RUNDC3B: variants seen among roughly 807,000 people sequenced by gnomAD.
RUNDC3B encodes the protein RUN domain-containing protein 3B.
In RUNDC3B, 33 loss-of-function variants were observed where a neutral mutation model predicts 58.4. The ratio of observed to expected loss-of-function variants is 0.56; its 90% CI spans 0.43 to 0.75. The LOEUF is 0.75. Ranked by LOEUF, RUNDC3B falls within the 30% of genes least tolerant of loss-of-function variation. The probability of loss-of-function intolerance (pLI) is 0.00; values close to 1 mark genes in which losing one functional copy is unlikely to be tolerated. For synonymous variants in RUNDC3B, 193 were observed against 195.2 expected (o/e 0.99, Z 0.10); for missense variants, 501 against 535.7 (o/e 0.94, Z 0.64).
At chr7:87,741,419 G>A in intron 5 of RUNDC3B, 80 bp from the exon 6 acceptor site, 1 of 809,350 alleles carries the variant, frequency 1.2e-6, no homozygotes, top group African/African-American at 1.8e-5. Flanking sequence ...AACGTCTCTG[G>A]CAAGAGATTT....
chr7:87,699,517 C>T (rs1828819662), intron 2 of RUNDC3B, among the ~76,000 whole-genome samples: 1 of 152,160 alleles, frequency 6.6e-6, no homozygotes, highest in South Asian at 2.1e-4. Context: ...GATCCTCCTG[C>T]CTCAGCCTCT....
At chr7:87,675,466 T>A (rs539284573) in intron 2 of RUNDC3B, among the ~76,000 whole-genome samples, 77 of 152,044 alleles carry the variant, frequency 5.1e-4, no homozygotes, top group African/African-American at 1.8e-3. Flanking sequence ...TACAATGCTA[T>A]AGTAATTGAA....
intron 4 of RUNDC3B, chr7:87,713,270 A>C (rs3747802): frequency 6.6e-6 from 1 of 152,098 alleles, no homozygotes; most frequent in African/African-American, 2.4e-5. Context: ...TTCATGTTCT[A>C]CTCTTCACAG....
chr7:87,809,030 A>G (rs1836575382), intron 9 of RUNDC3B, among the ~76,000 whole-genome samples: 1 of 152,160 alleles, frequency 6.6e-6, no homozygotes, highest in South Asian at 2.1e-4. Flanking sequence ...ACACTTCCCA[A>G]TCTACAGAGT....
chr7:87,814,088 A>ATTC (rs1836887843), intron 9 of RUNDC3B, among the ~76,000 whole-genome samples: 1 of 147,580 alleles, frequency 6.8e-6, no homozygotes, highest in Non-Finnish European at 1.5e-5. Flanking sequence ...TTGGAGAATG[A>ATTC]TTTCTTTCTT....
chr7:87,818,571 G>C (rs1468235613), intron 10 of RUNDC3B, among the ~76,000 whole-genome samples: 1 of 152,066 alleles, frequency 6.6e-6, no homozygotes, highest in African/African-American at 2.4e-5. Flanking sequence ...TATAATAAGA[G>C]AACAAATAAA....
At chr7:87,712,602 G>A (rs1210710451) in intron 4 of RUNDC3B, among the ~76,000 whole-genome samples, 8 of 152,084 alleles carry the variant, frequency 5.3e-5, no homozygotes, top group Admixed American at 1.3e-4. Context: ...ATTGGGTGGG[G>A]TAGAAATAAT....
intron 6 of RUNDC3B, among the ~76,000 whole-genome samples, chr7:87,750,844 A>C (rs1342363314): frequency 2.7e-5 from 4 of 150,798 alleles, no homozygotes; most frequent in Non-Finnish European, 4.4e-5. Context: ...GTTCACTCTG[A>C]TGGTAGTTTC....
chr7:87,800,572 G>A (rs1326335718), intron 8 of RUNDC3B, among the ~76,000 whole-genome samples: 1 of 151,532 alleles, frequency 6.6e-6, no homozygotes, highest in East Asian at 1.9e-4. Context: ...CCACCATGCA[G>A]TTTTCCATAA....
intron 3 of RUNDC3B, among the ~76,000 whole-genome samples, chr7:87,701,681 C>T (rs1286948747): frequency 6.6e-6 from 1 of 152,124 alleles, no homozygotes; most frequent in African/African-American, 2.4e-5. Flanking sequence ...AAAATATCTA[C>T]ACTTATCTGA....
At chr7:87,698,429 A>C (rs1233887319) in intron 2 of RUNDC3B, among the ~76,000 whole-genome samples, 1 of 152,176 alleles carries the variant, frequency 6.6e-6, no homozygotes. Flanking sequence ...TGAATTATAT[A>C]GTTATTAGAA....
intron 6 of RUNDC3B, among the ~76,000 whole-genome samples, chr7:87,749,021 C>T (rs1376433520): frequency 5.9e-5 from 9 of 152,000 alleles, no homozygotes; most frequent in Non-Finnish European, 1.2e-4. Context: ...AACTGAAATG[C>T]GGAGAGGTTA....
chr7:87,816,649 TC>T (rs1837059330), intron 10 of RUNDC3B, among the ~76,000 whole-genome samples: 1 of 152,222 alleles, frequency 6.6e-6, no homozygotes, highest in Non-Finnish European at 1.5e-5. Context: ...GACCACTTCC[TC>T]ATTCTTGAAT....
In RUNDC3B at chr7:87,771,295, T is replaced by C. The variant is rs191229336; in HGVS notation, c.798+546T>C. Among the ~76,000 whole-genome samples the C allele has an allele frequency of 5.0e-3, 754 of 152,072 alleles. 7 individuals are homozygous for C. The highest frequency in any genetic ancestry group is 0.017 in the African/African-American group (722 of 41,544). ...ATATATAAGGAAAGCCCAATGGAATTAGTGATAGAAATATTCAAAAAATTA... is the reference window on the plus strand; with the variant it reads ...ATATATAAGGAAAGCCCAATGGAATCAGTGATAGAAATATTCAAAAAATTA... On this transcript the variant is annotated intron_variant, in intron 7 of 10. Transcript: ENST00000394654.
chr7:87,645,249 A>T (rs377026812), intron 1 of RUNDC3B, among the ~76,000 whole-genome samples: 2 of 151,848 alleles, frequency 1.3e-5, no homozygotes, highest in Non-Finnish European at 2.9e-5. Context: ...CAACCAGCTA[A>T]TTTTTTGTAT....
intron 10 of RUNDC3B, among the ~76,000 whole-genome samples, chr7:87,824,147 A>G (rs1837660619): frequency 6.6e-6 from 1 of 152,234 alleles, no homozygotes; most frequent in Admixed American, 6.5e-5. Context: ...TTTATTAAAT[A>G]TCCTCCAACA....
At chr7:87,823,366 A>G (rs1308013477) in intron 10 of RUNDC3B, among the ~76,000 whole-genome samples, 3 of 149,638 alleles carry the variant, frequency 2.0e-5, no homozygotes, top group Non-Finnish European at 4.5e-5. Flanking sequence ...ATGCAAAACT[A>G]TTTTTTTTCT....
chr7:87,715,457 A>T (rs1563158263), intron 4 of RUNDC3B, among the ~76,000 whole-genome samples: 5 of 117,974 alleles, frequency 4.2e-5, no homozygotes, highest in Non-Finnish European at 5.6e-5. Flanking sequence ...ATATAATTAT[A>T]TTATATTAAT....
intron 2 of RUNDC3B, among the ~76,000 whole-genome samples, chr7:87,685,550 A>G (rs576605111): frequency 6.6e-6 from 1 of 152,308 alleles, no homozygotes; most frequent in South Asian, 2.1e-4. Flanking sequence ...TAAATGTCAG[A>G]TACATTATGG....
Sources: allele counts gnomAD v4.1 joint callset (sites outside exome capture counted in the v4.1 genomes callset), GRCh38; gene constraint gnomAD v4.1.1; transcripts MANE v1.5; gene names NCBI Gene and HGNC (gene_info 2026-07-23, HGNC 2026-07-21).